Variants in PRELID2 observed in about 807,000 individuals in gnomAD.
The protein encoded by PRELID2 is PRELI domain-containing protein 2.
In PRELID2, 25 loss-of-function variants were observed where a neutral mutation model predicts 28.4. The observed-to-expected ratio is 0.88, with a 90% CI of 0.64 to 1.23. PRELID2 has a LOEUF of 1.23. PRELID2 is among the 50% of genes most tolerant of loss of function. The pLI is 0.00. For synonymous variants in PRELID2, 76 were observed against 71.6 expected, an observed-to-expected ratio of 1.06 and a Z score of -0.31; for missense variants, 201 against 214.4, an observed-to-expected ratio of 0.94 and a Z score of 0.39.
At chr5:145,447,228 G>T in the PRELID2 span, among the ~76,000 whole-genome samples, 2 of 151,782 alleles carry the variant, frequency 1.3e-5, no homozygotes, top group African/African-American at 4.8e-5. Context: ...ACCGCATGAG[G>T]TTGAAAGATG....
At chr5:145,688,939 A>G (rs1755090807) in intron 1 of PRELID2, among the ~76,000 whole-genome samples, 1 of 152,204 alleles carries the variant, frequency 6.6e-6, no homozygotes, top group South Asian at 2.1e-4. Flanking sequence ...AAACTGCACC[A>G]GTTATTTTAA....
At chr5:145,405,381 A>G in the PRELID2 span, among the ~76,000 whole-genome samples, 14 of 152,306 alleles carry the variant, frequency 9.2e-5, no homozygotes, top group African/African-American at 3.4e-4. Flanking sequence ...ATTACTATAA[A>G]GAAATACCTG....
intron 1 of PRELID2, among the ~76,000 whole-genome samples, chr5:145,485,285 A>C (rs1752206649): frequency 6.6e-6 from 1 of 152,216 alleles, no homozygotes; most frequent in Non-Finnish European, 1.5e-5. Context: ...AGGCAGTGCA[A>C]GTGGCAACTG....
chr5:145,608,955 CTTCT>C (rs1753567707), intron 1 of PRELID2, among the ~76,000 whole-genome samples: 1 of 152,008 alleles, frequency 6.6e-6, no homozygotes, highest in Non-Finnish European at 1.5e-5. Context: ...TTTGTTCATT[CTTCT>C]TTAATTTTTT....
the PRELID2 span, among the ~76,000 whole-genome samples, chr5:145,302,220 C>T: frequency 2.6e-5 from 4 of 151,806 alleles, no homozygotes; most frequent in African/African-American, 9.7e-5. Flanking sequence ...AGTGCAATGG[C>T]TCAATCTTGG....
the PRELID2 span, among the ~76,000 whole-genome samples, chr5:145,258,713 T>C: frequency 1.3e-5 from 2 of 152,132 alleles, no homozygotes; most frequent in Non-Finnish European, 2.9e-5. Context: ...GAGTATGAAA[T>C]ATTGGAAAAT....
chr5:145,423,126 C>T, the PRELID2 span, among the ~76,000 whole-genome samples: 1 of 151,956 alleles, frequency 6.6e-6, no homozygotes, highest in Admixed American at 6.6e-5. Flanking sequence ...GATGGGCTTC[C>T]CTGTGAGGGT....
At chr5:145,288,184 T>C in the PRELID2 span, among the ~76,000 whole-genome samples, 1 of 152,144 alleles carries the variant, frequency 6.6e-6, no homozygotes, top group Non-Finnish European at 1.5e-5. Flanking sequence ...GGAAGGAAGT[T>C]ACTATAAGAA....
chr5:145,520,991 C>T lies in PRELID2; in HGVS notation n.71-47676G>A, dbSNP rs562160112. On this transcript the variant is annotated intron_variant and non_coding_transcript_variant, in intron 1 of 2. Transcript: ENST00000510259. Reference sequence around the variant, plus strand: ...TGACAGGCAAAAGAGTCCCCCTCCCCACCCCGCTATATCCCAAGGGACATA... The same window carrying T: ...TGACAGGCAAAAGAGTCCCCCTCCCTACCCCGCTATATCCCAAGGGACATA... Among the ~76,000 whole-genome samples, 17 of 152,228 alleles carry T rather than the reference C, an allele frequency of 1.1e-4. No homozygotes were observed. In the East Asian group the frequency reaches 3.1e-3, roughly 28 times the overall value.
chr5:145,512,473 G>C (rs1347084835), intron 1 of PRELID2, among the ~76,000 whole-genome samples: 2 of 152,206 alleles, frequency 1.3e-5, no homozygotes, highest in African/African-American at 4.8e-5. Flanking sequence ...GGGCATCTCT[G>C]AAAGAAAGGC....
intron 1 of PRELID2, among the ~76,000 whole-genome samples, chr5:145,521,592 T>C (rs1244158513): frequency 6.6e-6 from 1 of 152,014 alleles, no homozygotes; most frequent in East Asian, 1.9e-4. Context: ...ATATATAAGG[T>C]ATATCTGGAA....
At chr5:145,524,476 C>T (rs186594655) in intron 1 of PRELID2, among the ~76,000 whole-genome samples, 31 of 152,268 alleles carry the variant, frequency 2.0e-4, no homozygotes, top group African/African-American at 7.2e-4. Flanking sequence ...GAAACTAACT[C>T]GAGATTTGAG....
intron 1 of PRELID2, among the ~76,000 whole-genome samples, chr5:145,677,465 T>G (rs984454651): frequency 2.6e-5 from 4 of 152,064 alleles, no homozygotes; most frequent in African/African-American, 7.2e-5. Context: ...GAAATTATGT[T>G]TTTTAGGAAT....
chr5:145,645,918 C>A (rs999982916), intron 1 of PRELID2, among the ~76,000 whole-genome samples: 1 of 152,212 alleles, frequency 6.6e-6, no homozygotes, highest in African/African-American at 2.4e-5. Flanking sequence ...ATCTGACGGG[C>A]TTCCCTTTGT....
rs538031099 is a variant in PRELID2, at chr5:145,630,831, C to T, written n.70+134100G>A. ...ATATACATAAAACTCCTGGCATTCT[C>T]ATTATTCCTGTGACTACTAGAATTC... On this transcript the variant is annotated intron_variant and non_coding_transcript_variant, in intron 1 of 2. Transcript: ENST00000510259. Among the ~76,000 whole-genome samples the T allele has an allele frequency of 3.9e-5, 6 of 152,326 alleles. No homozygotes were observed. The East Asian group carries it at 1.2e-3, about 29-fold the overall frequency.
the PRELID2 span, among the ~76,000 whole-genome samples, chr5:145,375,319 G>T: frequency 6.6e-6 from 1 of 152,070 alleles, no homozygotes; most frequent in African/African-American, 2.4e-5. Context: ...ACTCAAGGAG[G>T]CTGGATAATA....
intron 1 of PRELID2, among the ~76,000 whole-genome samples, chr5:145,734,927 G>C (rs556390257): frequency 7.4e-4 from 112 of 152,264 alleles, no homozygotes; most frequent in Middle Eastern, 3.4e-3. Flanking sequence ...TTTCCCAGAA[G>C]CTAACGGAAA....
chr5:145,429,711 T>C, the PRELID2 span, among the ~76,000 whole-genome samples: 1 of 151,798 alleles, frequency 6.6e-6, no homozygotes, highest in African/African-American at 2.4e-5. Context: ...ACCAGAAATA[T>C]GATATCAAGA....
At chr5:145,399,014 T>A in the PRELID2 span, among the ~76,000 whole-genome samples, 1 of 152,160 alleles carries the variant, frequency 6.6e-6, no homozygotes, top group East Asian at 1.9e-4. Context: ...TGGGATCCAC[T>A]GAGCAAGTGA....
Sources: gnomAD v4.1 joint callset for allele counts (sites outside exome capture counted in the v4.1 genomes callset) on GRCh38, gnomAD v4.1.1 for gene constraint, MANE v1.5 for transcripts, NCBI Gene and HGNC (gene_info 2026-07-23, HGNC 2026-07-21) for gene names.